PDXDC1: variants seen among roughly 807,000 people sequenced by gnomAD.
PDXDC1 encodes pyridoxal dependent decarboxylase domain containing 1, also known as pyridoxal-dependent decarboxylase domain-containing protein 1.
Under a neutral mutation model 100.1 loss-of-function variants are expected in PDXDC1, and 42 were observed. The ratio of observed to expected loss-of-function variants is 0.42; its 90% CI spans 0.33 to 0.54. The LOEUF (loss-of-function observed/expected upper bound fraction) is 0.54, where lower values mean the gene tolerates loss of function less well. PDXDC1 is among the 20% of genes least tolerant of loss of function. The pLI is 0.10. For synonymous variants in PDXDC1, 260 were observed against 371.7 expected (o/e 0.70, Z 3.46); for missense variants, 636 against 979.2 (o/e 0.65, Z 4.68).
intron 16 of PDXDC1, among the ~76,000 whole-genome samples, chr16:15,099,215 G>A (rs1262640094): frequency 6.6e-6 from 1 of 152,056 alleles, no homozygotes; most frequent in African/African-American, 2.4e-5. Flanking sequence ...TTGAGATCAG[G>A]AGTTCAAGAC....
chr16:15,022,791 CT>C (rs1567693673), intron 13 of PDXDC1, 37 bp downstream of exon 13: 13 of 1,527,932 alleles, frequency 8.5e-6, no homozygotes, highest in East Asian at 2.4e-5. Context: ...CAAAATATAA[CT>C]TTTTTTGAAC....
chr16:15,085,741 A>G, intron 16 of PDXDC1: 2 of 1,609,754 alleles, frequency 1.2e-6, no homozygotes, highest in South Asian at 1.1e-5. Context: ...TCATTGATCT[A>G]GACAATGAAT....
chr16:15,148,369 G>GTTTTTTTTT, the PDXDC1 span, among the ~76,000 whole-genome samples: 1 of 82,348 alleles, frequency 1.2e-5, no homozygotes, highest in African/African-American at 5.0e-5. Context: ...CAGATCCTGT[G>GTTTTTTTTT]ATTTTTTTTT....
downstream of PDXDC1, among the ~76,000 whole-genome samples, chr16:15,140,825 G>A (rs1024075978): frequency 5.9e-5 from 9 of 151,996 alleles, no homozygotes; most frequent in Non-Finnish European, 1.3e-4. Context: ...AGTGCTCCTG[G>A]CACAGGGACT....
At chr16:15,032,653 T>TAAAAAAAAAAAA in intron 17 of PDXDC1, 6 of 216,452 alleles carry the variant, frequency 2.8e-5, no homozygotes, top group East Asian at 1.3e-4. Flanking sequence ...GACCCTGCTT[T>TAAAAAAAAAAAA]AAAAAAAAAA....
intron 16 of PDXDC1, among the ~76,000 whole-genome samples, chr16:15,071,928 C>T (rs1226333282): frequency 6.6e-6 from 1 of 152,144 alleles, no homozygotes; most frequent in Non-Finnish European, 1.5e-5. Context: ...TCCCATGGAG[C>T]TCCACATGGG....
chr16:15,009,996 A>G (rs1386014473), intron 8 of PDXDC1, among the ~76,000 whole-genome samples: 1 of 152,280 alleles, frequency 6.6e-6, no homozygotes, highest in East Asian at 1.9e-4. Context: ...TAGATGGTAA[A>G]TGCTTCTCTA....
intron 16 of PDXDC1, among the ~76,000 whole-genome samples, chr16:15,124,677 C>T (rs1183245469): frequency 6.6e-6 from 1 of 151,596 alleles, no homozygotes; most frequent in African/African-American, 2.4e-5. Flanking sequence ...GAGGCTGAGG[C>T]AGGAGAACAG....
chr16:15,092,913 C>T (rs1376531670), intron 16 of PDXDC1, among the ~76,000 whole-genome samples: 2 of 152,182 alleles, frequency 1.3e-5, no homozygotes, highest in African/African-American at 4.8e-5. Context: ...ACAGCCATAA[C>T]GTCTTTTCTG....
chr16:15,042,764 GCT>G (rs1567758579), downstream of PDXDC1, among the ~76,000 whole-genome samples: 1 of 122,716 alleles, frequency 8.1e-6, no homozygotes. Flanking sequence ...ACGAAGTCTC[GCT>G]CTGTCACCCA....
At chr16:15,062,071 C>G (rs1274784157) in intron 16 of PDXDC1, among the ~76,000 whole-genome samples, 2 of 152,156 alleles carry the variant, frequency 1.3e-5, no homozygotes, top group African/African-American at 4.8e-5. Flanking sequence ...CCCAGCTACT[C>G]AGGAGGTGGA....
At chr16:15,100,839 C>T (rs769776803) in intron 16 of PDXDC1, among the ~76,000 whole-genome samples, 16 of 152,042 alleles carry the variant, frequency 1.1e-4, no homozygotes, top group Admixed American at 2.6e-4. Flanking sequence ...ATACAAAAAT[C>T]AGCCATAGTG....
chr16:15,063,066 G>A, intron 16 of PDXDC1: 2 of 751,078 alleles, frequency 2.7e-6, no homozygotes, highest in Non-Finnish European at 4.8e-6. Context: ...CTGGTCTCCA[G>A]CAATCCTCTG....
chr16:15,087,483 A>G (rs1371230071), intron 16 of PDXDC1, among the ~76,000 whole-genome samples: 1 of 152,184 alleles, frequency 6.6e-6, no homozygotes, highest in Non-Finnish European at 1.5e-5. Context: ...GCCTCCCTAT[A>G]TGCGGAGAAG....
At chr16:15,075,506 G>C (rs1425085943) in intron 16 of PDXDC1, among the ~76,000 whole-genome samples, 1 of 151,742 alleles carries the variant, frequency 6.6e-6, no homozygotes, top group Non-Finnish European at 1.5e-5. Context: ...AGGAGGTCGA[G>C]GCTGGAGTGG....
chr16:15,038,633 A>C, downstream of PDXDC1: 1 of 1,610,534 alleles, frequency 6.2e-7, no homozygotes, highest in Non-Finnish European at 8.5e-7. Context: ...AATGGTGTCC[A>C]GGAGTACGGT....
the PDXDC1 span, among the ~76,000 whole-genome samples, chr16:15,147,235 G>A: frequency 1.2e-4 from 18 of 152,130 alleles, 1 homozygote; most frequent in Admixed American, 9.2e-4. Context: ...CCCTCGGGGA[G>A]TGCAAGCACA....
At chr16:15,127,244 C>G (rs1270648058) in intron 16 of PDXDC1, 1 of 475,650 alleles carries the variant, frequency 2.1e-6, no homozygotes, top group South Asian at 1.8e-5. Flanking sequence ...TCCGTGGCGT[C>G]TGCTTAGCGA....
At chr16:15,146,584 G>A in the PDXDC1 span, among the ~76,000 whole-genome samples, 2 of 152,094 alleles carry the variant, frequency 1.3e-5, no homozygotes, top group Admixed American at 1.3e-4. Flanking sequence ...ACAGCCACGC[G>A]GCCCTGCGCT....
Sources: allele counts gnomAD v4.1 joint callset (sites outside exome capture counted in the v4.1 genomes callset), GRCh38; gene constraint gnomAD v4.1.1; transcripts MANE v1.5; gene names NCBI Gene and HGNC (gene_info 2026-07-23, HGNC 2026-07-21).